The following BAALC variants were observed in gnomAD, a reference collection of about 807,000 sequenced individuals.
BAALC encodes the protein BAALC binder of MAP3K1 and KLF4, also known as brain and acute leukemia cytoplasmic protein.
In BAALC, 9 loss-of-function variants were observed where a neutral mutation model predicts 15.5. That is an observed-to-expected ratio of 0.58 (90% CI 0.35 to 1.02). The LOEUF (loss-of-function observed/expected upper bound fraction) is 1.02, where lower values mean the gene tolerates loss of function less well. Among genes scored for constraint, BAALC ranks in the 50% least tolerant of loss-of-function variants. The pLI, the probability that BAALC is intolerant of heterozygous loss-of-function variation, is 0.02. For missense variants in BAALC, 201 were observed against 192.4 expected (o/e 1.04, Z -0.27); for synonymous variants, 80 against 74.6 (o/e 1.07, Z -0.37).
At chr8:103,154,311 T>G (rs62527631) in intron 1 of BAALC, among the ~76,000 whole-genome samples, 15,276 of 152,118 alleles carry the variant, frequency 0.1, 1,046 homozygotes, top group Non-Finnish European at 0.16. Flanking sequence ...AACTCAGGTC[T>G]GTCTCATTCT....
chr8:103,156,984 C>T (rs1811107039), intron 1 of BAALC: 1 of 152,370 alleles, frequency 6.6e-6, no homozygotes, highest in Non-Finnish European at 1.5e-5. Flanking sequence ...ATATTTGTCT[C>T]TTTTGCACAT....
rs149409788 is a variant in BAALC at position 103,151,409 on chromosome 8, A to G, written c.160+10352A>G. 9.4e-3 allele frequency among the ~76,000 whole-genome samples: 1,429 copies of G among 152,276 alleles called. 8 individuals carry two copies. The highest frequency in any genetic ancestry group is 0.017 in the Admixed American group (265 of 15,298). ...TGGGTTTCAGTTTCCACATTGTAGG[A>G]TGGGACTTATCGAAGAATTAATGCA... is the stretch of plus-strand genomic sequence containing the variant. On this transcript the variant is annotated intron_variant, in intron 1 of 2. Transcript: ENST00000309982.
chr8:103,200,289 G>A (rs1249360141), intron 1 of BAALC, among the ~76,000 whole-genome samples: 1 of 152,100 alleles, frequency 6.6e-6, no homozygotes, highest in African/African-American at 2.4e-5. Context: ...AAGACAGTGT[G>A]GCAAAACCTC....
chr8:103,183,491 G>A, intron 1 of BAALC: 1 of 702,454 alleles, frequency 1.4e-6, no homozygotes. Flanking sequence ...GGTATGGGGG[G>A]ACCAGATCTG....
At chr8:103,172,280 CT>C (rs1196885964) in intron 1 of BAALC, 1 of 151,348 alleles carries the variant, frequency 6.6e-6, no homozygotes, top group African/African-American at 2.4e-5. Flanking sequence ...TGAATTACAA[CT>C]TGATAAAATG....
chr8:103,225,788 G>T (rs1812795363), intron 2 of BAALC, among the ~76,000 whole-genome samples: 1 of 152,132 alleles, frequency 6.6e-6, no homozygotes, highest in Admixed American at 6.5e-5. Context: ...CAAAAGAAGG[G>T]TGTGCTGTGA....
chr8:103,151,298 T>C (rs981501049), intron 1 of BAALC, among the ~76,000 whole-genome samples: 3 of 152,194 alleles, frequency 2.0e-5, no homozygotes, highest in Non-Finnish European at 2.9e-5. Flanking sequence ...ATTACAGGTG[T>C]GAGCCACCTC....
intron 1 of BAALC, among the ~76,000 whole-genome samples, chr8:103,182,745 A>G (rs1494272): frequency 0.32 from 49,320 of 152,050 alleles, 9,061 homozygotes; most frequent in African/African-American, 0.5. Flanking sequence ...CCGTGAGAGA[A>G]CTTTCACGGA....
chr8:103,154,630 C>A (rs1465982871), intron 1 of BAALC: 3 of 151,076 alleles, frequency 2.0e-5, no homozygotes, highest in Non-Finnish European at 4.5e-5. Context: ...ATGGGTGGGG[C>A]AATGGGATCA....
At chr8:103,180,018 C>G (rs1811691029) in intron 1 of BAALC, among the ~76,000 whole-genome samples, 1 of 152,210 alleles carries the variant, frequency 6.6e-6, no homozygotes, top group African/African-American at 2.4e-5. Flanking sequence ...AATCTGCCCA[C>G]AGTGCAGGCC....
intron 1 of BAALC, among the ~76,000 whole-genome samples, chr8:103,210,541 C>T (rs1812427436): frequency 6.6e-6 from 1 of 152,228 alleles, no homozygotes; most frequent in South Asian, 2.1e-4. Context: ...CTGATGCCTG[C>T]CCCATGGCAA....
At chr8:103,167,545 CAATT>C (rs1811377727) in intron 1 of BAALC, among the ~76,000 whole-genome samples, 1 of 152,100 alleles carries the variant, frequency 6.6e-6, no homozygotes, top group South Asian at 2.1e-4. Flanking sequence ...CGAACTCATA[CAATT>C]AATTATTATT....
At chr8:103,152,373 C>T (rs1563634982) in intron 1 of BAALC, among the ~76,000 whole-genome samples, 2 of 152,088 alleles carry the variant, frequency 1.3e-5, no homozygotes, top group South Asian at 2.1e-4. Context: ...GTGCTTCCTC[C>T]CCACACCCGC....
chr8:103,218,692 T>C (rs1162135017), intron 2 of BAALC, among the ~76,000 whole-genome samples: 1 of 152,196 alleles, frequency 6.6e-6, no homozygotes, highest in Non-Finnish European at 1.5e-5. Context: ...AGAAGCTGCA[T>C]ATTTTCAAGT....
At chr8:103,191,603 A>T (rs754931742) in intron 1 of BAALC, among the ~76,000 whole-genome samples, 3 of 152,242 alleles carry the variant, frequency 2.0e-5, no homozygotes, top group Non-Finnish European at 2.9e-5. Flanking sequence ...AACCAAGCAG[A>T]ACTTCTGGTT....
At chr8:103,174,400 C>G (rs765215669) in intron 1 of BAALC, among the ~76,000 whole-genome samples, 2 of 152,164 alleles carry the variant, frequency 1.3e-5, no homozygotes, top group South Asian at 2.1e-4. Flanking sequence ...AAACTGTATG[C>G]CAAGCCCCAG....
chr8:103,216,786 A>G (rs1477887316), intron 2 of BAALC, among the ~76,000 whole-genome samples: 2 of 152,220 alleles, frequency 1.3e-5, no homozygotes, highest in Non-Finnish European at 2.9e-5. Flanking sequence ...ACTACCAAGT[A>G]TTTATTCATA....
In BAALC at chr8:103,229,974, T is replaced by TGCTTTGTGGCTTCTCTTTACA. The variant is rs1366882763; in HGVS notation, c.*1883_*1903dup. ...CAAGGGCTCTTTCTCCCTGGGGATG[T>TGCTTTGTGGCTTCTCTTTACA]GCTTTGTGGCTTCTCTTTACAGCTT... On this transcript the variant is annotated 3_prime_UTR_variant, in exon 3 of 3. Coordinates refer to ENST00000309982, the MANE Select transcript of BAALC (RefSeq NM_024812.3). 2.0e-5 allele frequency: 3 copies of TGCTTTGTGGCTTCTCTTTACA among 152,254 alleles called. No individual in the cohort carries two copies. 9.4% of individuals were successfully genotyped at this position (152,254 alleles called of 1,614,324 possible).
intron 2 of BAALC, chr8:103,219,547 C>T (rs1205504155): frequency 6.6e-6 from 1 of 152,240 alleles, no homozygotes; most frequent in South Asian, 2.1e-4. Flanking sequence ...TCGATACAAA[C>T]TCCCAGGGTG....
Sources: allele counts gnomAD v4.1 joint callset (sites outside exome capture counted in the v4.1 genomes callset), GRCh38; gene constraint gnomAD v4.1.1; transcripts MANE v1.5; gene names NCBI Gene and HGNC (gene_info 2026-07-23, HGNC 2026-07-21).